MEF2A: variants seen among roughly 807,000 people sequenced by gnomAD.
MEF2A encodes the protein myocyte enhancer factor 2A.
MEF2A carries 28 observed loss-of-function variants against 55.8 expected under a neutral mutation model. The ratio of observed to expected loss-of-function variants is 0.50; its 90% CI spans 0.37 to 0.69. MEF2A has a LOEUF of 0.69. MEF2A is among the 30% of genes least tolerant of loss of function. MEF2A has a pLI of 0.00. For synonymous variants in MEF2A, 239 were observed against 227.1 expected (o/e 1.05, Z -0.47); for missense variants, 528 against 626.2 (o/e 0.84, Z 1.67).
chr15:99,588,722 C>T (rs1006180514), intron 1 of MEF2A, among the ~76,000 whole-genome samples: 16 of 149,334 alleles, frequency 1.1e-4, no homozygotes, highest in Non-Finnish European at 2.2e-4. Context: ...GAGTTATAGC[C>T]GTGAGCCACT....
intron 1 of MEF2A, among the ~76,000 whole-genome samples, chr15:99,570,264 A>C (rs1264590803): frequency 2.0e-5 from 3 of 152,190 alleles, no homozygotes; most frequent in African/African-American, 7.2e-5. Context: ...CATATTAATT[A>C]ATCAAACTTC....
chr15:99,644,586 A>G (rs1469936822), intron 3 of MEF2A, among the ~76,000 whole-genome samples: 4 of 152,258 alleles, frequency 2.6e-5, no homozygotes, highest in Non-Finnish European at 2.9e-5. Context: ...TTATAGGAAG[A>G]AAATCGTATG....
chr15:99,703,888 G>C (rs2057721987), intron 9 of MEF2A, among the ~76,000 whole-genome samples: 1 of 152,146 alleles, frequency 6.6e-6, no homozygotes, highest in South Asian at 2.1e-4. Flanking sequence ...TTTACTAAAA[G>C]GAATGTCTGT....
At chr15:99,594,301 CA>C in intron 1 of MEF2A, among the ~76,000 whole-genome samples, 1 of 152,210 alleles carries the variant, frequency 6.6e-6, no homozygotes, top group East Asian at 1.9e-4. Context: ...ACCCATTTAT[CA>C]TGAAGGATAT....
intron 3 of MEF2A, among the ~76,000 whole-genome samples, chr15:99,634,346 A>T (rs189824640): frequency 6.6e-6 from 1 of 152,332 alleles, no homozygotes; most frequent in Admixed American, 6.5e-5. Context: ...ATGATTCATT[A>T]TGAAGGTTGG....
intron 7 of MEF2A, among the ~76,000 whole-genome samples, chr15:99,676,567 T>C (rs1157894698): frequency 1.5e-5 from 2 of 130,114 alleles, no homozygotes; most frequent in Non-Finnish European, 3.4e-5. Flanking sequence ...AGATGCATCA[T>C]ACAGTTTTGT....
intron 1 of MEF2A, among the ~76,000 whole-genome samples, chr15:99,596,819 A>C (rs1295891957): frequency 6.6e-6 from 1 of 152,220 alleles, no homozygotes; most frequent in African/African-American, 2.4e-5. Flanking sequence ...TCCATTGAGC[A>C]GTGTTCACTA....
rs377359998 is a variant in MEF2A at position 99,641,462 on chromosome 15, A to G, written c.55-4099A>G. 2.2e-3 allele frequency among the ~76,000 whole-genome samples: 329 copies of G among 152,116 alleles called. 2 individuals carry two copies. Among genetic ancestry groups the G allele is most frequent in the African/African-American group, 7.1e-3 (295 of 41,508 alleles). On this transcript the variant is annotated intron_variant, in intron 3 of 11. Coordinates refer to ENST00000557942, the MANE Select transcript of MEF2A (RefSeq NM_001319206.4). ...TTCTCGGCCGGGCGCGTTGGCTCAC[A>G]CCTGTAATCCCAGCACTTTGGGAGG...
Position 99,648,819 on chromosome 15 carries a change from C to G in MEF2A, c.258+3055C>G, listed in dbSNP as rs79035889. On this transcript the variant is annotated intron_variant, in intron 4 of 11. Coordinates refer to ENST00000557942, the MANE Select transcript of MEF2A (RefSeq NM_001319206.4). The stretch of plus-strand genomic sequence containing the variant: ...AGGATGTGCTGTGAGGATGTGCTGT[C>G]AGCCTCACCTGTGTAGTCTGTAGTA... Among the ~76,000 whole-genome samples the G allele has an allele frequency of 1.3e-4, 20 of 152,282 alleles. 3 individuals carry two copies. The East Asian group carries it at 3.9e-3, about 29-fold the overall frequency.
At chr15:99,678,252 G>T (rs1236792970) in intron 7 of MEF2A, among the ~76,000 whole-genome samples, 1 of 152,066 alleles carries the variant, frequency 6.6e-6, no homozygotes, top group Non-Finnish European at 1.5e-5. Context: ...TTTCTAGCCA[G>T]ATTGTTTTGT....
chr15:99,674,680 G>A (rs1296278071), intron 6 of MEF2A, 68 bp downstream of exon 6: 3 of 1,295,232 alleles, frequency 2.3e-6, no homozygotes, highest in Non-Finnish European at 2.2e-6. Context: ...GCTAACATAA[G>A]CAGTTTCTTA....
chr15:99,677,512 A>G (rs2052363655), intron 7 of MEF2A, among the ~76,000 whole-genome samples: 2 of 152,188 alleles, frequency 1.3e-5, no homozygotes, highest in Non-Finnish European at 2.9e-5. Flanking sequence ...ATAAGATAGA[A>G]GAAAATTATC....
intron 4 of MEF2A, among the ~76,000 whole-genome samples, chr15:99,647,572 G>T (rs1349398521): frequency 6.6e-6 from 1 of 152,128 alleles, no homozygotes; most frequent in South Asian, 2.1e-4. Context: ...AGAATTTTCA[G>T]ACTACCTCAA....
rs1421427279 is a variant in MEF2A at position 99,594,043 on chromosome 15, C to T, written c.-224-4387C>T. Among the ~76,000 whole-genome samples, 7 of 152,240 alleles carry T rather than the reference C, an allele frequency of 4.6e-5. No homozygotes were observed. In the East Asian group the frequency reaches 9.6e-4, roughly 21 times the overall value. On this transcript the variant is annotated intron_variant, in intron 1 of 11. Coordinates refer to ENST00000557942, the MANE Select transcript of MEF2A (RefSeq NM_001319206.4). ...TTACCAAGTAGTTCTCCAGTGGACA[C>T]CAGCTGGATTTCCTATAATTCAGTT...
rs749028696 is a variant in MEF2A, at chr15:99,633,041, G to A, written c.-79G>A. On this transcript the variant is annotated 5_prime_UTR_variant, in exon 3 of 12. Transcript: ENST00000557942. The stretch of plus-strand genomic sequence containing the variant: ...AGCTGAAATAACAGAAGCTGTGTAC[G>A]ATGCATTAGGGTATTGAAGAAAATT... The A allele has an allele frequency of 8.5e-5, 99 of 1,164,502 alleles. No individual in the cohort carries two copies. Among genetic ancestry groups the A allele is most frequent in the Non-Finnish European group, 1.1e-4 (92 of 805,764 alleles). 72.1% of individuals were successfully genotyped at this position (1,164,502 alleles called of 1,614,324 possible).
At chr15:99,632,566 C>T (rs2043118436) in intron 2 of MEF2A, among the ~76,000 whole-genome samples, 2 of 151,972 alleles carry the variant, frequency 1.3e-5, no homozygotes, top group Non-Finnish European at 2.9e-5. Flanking sequence ...TGACCTTGGG[C>T]GTATTGCTTA....
chr15:99,566,061 C>G lies in MEF2A; in HGVS notation c.-268C>G, dbSNP rs1016206403. 1 of 152,046 alleles carries G rather than the reference C, an allele frequency of 6.6e-6. No individual in the cohort carries two copies. Among genetic ancestry groups the G allele is most frequent in the African/African-American group, 2.4e-5 (1 of 41,348 alleles). 9.4% of individuals were successfully genotyped at this position (152,046 alleles called of 1,614,324 possible). On this transcript the variant is annotated 5_prime_UTR_variant, in exon 1 of 12. Coordinates refer to ENST00000557942, the MANE Select transcript of MEF2A (RefSeq NM_001319206.4). ...CGGCGCGAAGCGCTGGTGGCGGGCC[C>G]GGGCTGCGGCGTGTGCGCGCCCGCC...
chr15:99,702,377 C>G (rs923442122), intron 8 of MEF2A, among the ~76,000 whole-genome samples: 1 of 151,192 alleles, frequency 6.6e-6, no homozygotes, highest in Non-Finnish European at 1.5e-5. Context: ...TAGACTGTTT[C>G]TAGCATGTTA....
intron 4 of MEF2A, among the ~76,000 whole-genome samples, chr15:99,663,140 A>G (rs1329944952): frequency 6.6e-6 from 1 of 151,908 alleles, no homozygotes; most frequent in African/African-American, 2.4e-5. Flanking sequence ...TCTAGCAGAT[A>G]CTCCAGCAGT....
Sources: allele counts gnomAD v4.1 joint callset (sites outside exome capture counted in the v4.1 genomes callset), GRCh38; gene constraint gnomAD v4.1.1; transcripts MANE v1.5; gene names NCBI Gene and HGNC (gene_info 2026-07-23, HGNC 2026-07-21).